The following MYBPC1 variants were observed in gnomAD, a reference collection of about 807,000 sequenced individuals.
MYBPC1 encodes myosin-binding protein C, slow-type.
MYBPC1 carries 52 observed loss-of-function variants against 147.1 expected under a neutral mutation model. That is an observed-to-expected ratio of 0.35 (90% CI 0.28 to 0.45). The LOEUF is 0.45. MYBPC1 is among the 20% of genes least tolerant of loss of function. The probability of loss-of-function intolerance (pLI) is 1.00; values close to 1 mark genes in which losing one functional copy is unlikely to be tolerated. For missense variants in MYBPC1, 1,228 were observed against 1,440.3 expected (o/e 0.85, Z 2.39); for synonymous variants, 477 against 475.9 (o/e 1.00, Z -0.03).
At chr12:101,674,649 G>A (rs1409280612) in intron 25 of MYBPC1, among the ~76,000 whole-genome samples, 1 of 151,838 alleles carries the variant, frequency 6.6e-6, no homozygotes, top group Non-Finnish European at 1.5e-5. Flanking sequence ...GATCACTTGG[G>A]GCCAGGAGTT....
intron 3 of MYBPC1, among the ~76,000 whole-genome samples, chr12:101,618,732 G>C (rs560983853): frequency 6.6e-6 from 1 of 152,072 alleles, no homozygotes; most frequent in African/African-American, 2.4e-5. Flanking sequence ...AGAACACAGC[G>C]TGATGAAAGA....
chr12:101,670,555 A>G lies in MYBPC1; in HGVS notation c.2613+146A>G, dbSNP rs185167126. 7.8e-5 allele frequency: 59 copies of G among 756,200 alleles called. No homozygotes were observed. The African/African-American group carries it at 9.5e-4, about 12-fold the overall frequency. The allele number at this position is 756,200 out of a possible 1,614,324, so 46.8% of individuals were successfully genotyped here. ...TAAATAAAGAATGAAAGAGTATTGG[A>G]GAATGATTAAGCAATCTCCTGCTGT... On this transcript the variant is annotated intron_variant, in intron 24 of 31. Transcript: ENST00000361466.
At chr12:101,617,735 A>G (rs1335782249) in intron 3 of MYBPC1, among the ~76,000 whole-genome samples, 1 of 152,234 alleles carries the variant, frequency 6.6e-6, no homozygotes, top group Non-Finnish European at 1.5e-5. Context: ...GATACACAAT[A>G]TAACATTAAG....
chr12:101,683,225 T>A (rs971255234), intron 30 of MYBPC1, among the ~76,000 whole-genome samples: 3 of 151,574 alleles, frequency 2.0e-5, no homozygotes, highest in Non-Finnish European at 4.4e-5. Context: ...ATCCCAGGAG[T>A]CCAAGATCAG....
intron 5 of MYBPC1, among the ~76,000 whole-genome samples, chr12:101,628,344 C>A (rs1232270143): frequency 6.6e-6 from 1 of 152,058 alleles, no homozygotes; most frequent in East Asian, 1.9e-4. Flanking sequence ...TAAATGTGCT[C>A]CTATTAATAT....
intron 1 of MYBPC1, among the ~76,000 whole-genome samples, chr12:101,600,713 T>A (rs1159980493): frequency 6.6e-6 from 1 of 152,176 alleles, no homozygotes; most frequent in African/African-American, 2.4e-5. Context: ...ATAATGACTA[T>A]TTTTATCTTC....
chr12:101,684,574 C>G, intron 31 of MYBPC1, 150 bp downstream of exon 31: 1 of 658,522 alleles, frequency 1.5e-6, no homozygotes, highest in South Asian at 1.9e-5. Flanking sequence ...TTGTATTTCA[C>G]TATCTTGAAA....
chr12:101,649,546 G>A, intron 15 of MYBPC1, 120 bp downstream of exon 15: 1 of 1,203,752 alleles, frequency 8.3e-7, no homozygotes, highest in Non-Finnish European at 1.2e-6. Context: ...TATGTAAAAT[G>A]GATTTCATTC....
chr12:101,678,482 T>C (rs928131438), intron 28 of MYBPC1, among the ~76,000 whole-genome samples: 5 of 152,144 alleles, frequency 3.3e-5, no homozygotes, highest in Non-Finnish European at 7.3e-5. Flanking sequence ...AAAAAGAACA[T>C]CTCCTGTGTA....
the MYBPC1 span, among the ~76,000 whole-genome samples, chr12:101,691,514 A>G: frequency 6.6e-6 from 1 of 152,242 alleles, no homozygotes. Flanking sequence ...AGGTTGGCCT[A>G]GAGATTGAGG....
In MYBPC1 at chr12:101,607,173, T is replaced by C. The variant is rs146740561; in HGVS notation, c.26-7323T>C. 4.3e-3 allele frequency among the ~76,000 whole-genome samples: 658 copies of C among 152,244 alleles called. 6 individuals carry two copies. The highest frequency in any genetic ancestry group is 0.015 in the African/African-American group (607 of 41,528). Reference sequence around the variant, plus strand: ...CAAACATCTCTAAGCATTATGAATGTCCCCATGAAAGCAATATTTTATGCT... The same window carrying C: ...CAAACATCTCTAAGCATTATGAATGCCCCCATGAAAGCAATATTTTATGCT... On this transcript the variant is annotated intron_variant, in intron 1 of 31. Coordinates refer to ENST00000361466, the MANE Select transcript of MYBPC1 (RefSeq NM_002465.4).
intron 17 of MYBPC1, 35 bp from the exon 18 acceptor site, chr12:101,653,080 C>G: frequency 1.2e-6 from 2 of 1,603,414 alleles, no homozygotes; most frequent in Non-Finnish European, 1.7e-6. Context: ...ACAGAAATGA[C>G]TGTCTGATAA....
chr12:101,679,646 T>C (rs1481098848), intron 28 of MYBPC1, among the ~76,000 whole-genome samples: 7 of 152,184 alleles, frequency 4.6e-5, no homozygotes, highest in Non-Finnish European at 7.3e-5. Context: ...TCTTGCATTA[T>C]CTGATTGGAG....
At chr12:101,680,114 A>T (rs191050812) in intron 28 of MYBPC1, among the ~76,000 whole-genome samples, 2 of 152,246 alleles carry the variant, frequency 1.3e-5, no homozygotes, top group Non-Finnish European at 2.9e-5. Context: ...ATTGCCCTAG[A>T]GTTACCTCTG....
intron 1 of MYBPC1, among the ~76,000 whole-genome samples, chr12:101,604,587 C>G (rs1006292449): frequency 6.6e-6 from 1 of 152,124 alleles, no homozygotes; most frequent in Non-Finnish European, 1.5e-5. Context: ...TAATATATTA[C>G]TCCTTGCTTT....
At chr12:101,619,235 T>G (rs1231867905) in intron 3 of MYBPC1, among the ~76,000 whole-genome samples, 1 of 152,112 alleles carries the variant, frequency 6.6e-6, no homozygotes, top group Non-Finnish European at 1.5e-5. Flanking sequence ...CTATTTTTTT[T>G]TTTTAACCAT....
chr12:101,692,179 G>A, the MYBPC1 span, among the ~76,000 whole-genome samples: 1 of 152,208 alleles, frequency 6.6e-6, no homozygotes, highest in East Asian at 1.9e-4. Context: ...GGTAAGACTA[G>A]GAAGGTAGAC....
chr12:101,629,302 A>G, intron 5 of MYBPC1, 132 bp from the exon 6 acceptor site: 1 of 711,130 alleles, frequency 1.4e-6, no homozygotes, highest in Non-Finnish European at 2.5e-6. Flanking sequence ...GGCAGAAAGA[A>G]TGATGTTGTA....
At chr12:101,659,285 G>T (rs1379522936) in intron 18 of MYBPC1, among the ~76,000 whole-genome samples, 2 of 152,144 alleles carry the variant, frequency 1.3e-5, no homozygotes, top group African/African-American at 4.8e-5. Context: ...CATACACAGG[G>T]ATTCCTCTCC....
Sources: allele counts gnomAD v4.1 joint callset (sites outside exome capture counted in the v4.1 genomes callset), GRCh38; gene constraint gnomAD v4.1.1; transcripts MANE v1.5; gene names NCBI Gene and HGNC (gene_info 2026-07-23, HGNC 2026-07-21).